The following FBN2 variants were observed in gnomAD, a reference collection of about 807,000 sequenced individuals.
FBN2 encodes the protein fibrillin 2.
In FBN2, 105 loss-of-function variants were observed where a neutral mutation model predicts 355.6. That is an observed-to-expected ratio of 0.30 (90% CI 0.25 to 0.35). FBN2 has a LOEUF of 0.35. FBN2 is among the 10% of genes least tolerant of loss of function. FBN2 has a pLI of 1.00. For missense variants in FBN2, 3,280 were observed against 3,758.7 expected, an observed-to-expected ratio of 0.87 and a Z score of 3.33; for synonymous variants, 1,350 against 1,301.2, an observed-to-expected ratio of 1.04 and a Z score of -0.81.
chr5:128,478,227 G>A lies in FBN2; in HGVS notation c.629-13306C>T, dbSNP rs140453782. On this transcript the variant is annotated intron_variant, in intron 5 of 64. Coordinates refer to ENST00000262464, the MANE Select transcript of FBN2 (RefSeq NM_001999.4). ...TGCTGTTGGACTTCAGACAATACTG[G>A]CCAAGTGTCTAAGAAGCCAGACACA... Among the ~76,000 whole-genome samples, 965 of 152,226 alleles carry A rather than the reference G, an allele frequency of 6.3e-3. 16 individuals are homozygous for A. The highest frequency in any genetic ancestry group is 6.6e-3 in the South Asian group (32 of 4,818).
chr5:128,272,243 A>C, intron 61 of FBN2, 125 bp from the exon 62 acceptor site: 1 of 1,073,498 alleles, frequency 9.3e-7, no homozygotes, highest in Non-Finnish European at 1.4e-6. Flanking sequence ...CATGACACAT[A>C]GAGAGGCTGT....
intron 5 of FBN2, among the ~76,000 whole-genome samples, chr5:128,506,955 C>T (rs920729053): frequency 2.0e-5 from 3 of 151,964 alleles, no homozygotes; most frequent in Non-Finnish European, 2.9e-5. Flanking sequence ...GATCTATTAT[C>T]CTTTTACCAT....
At chr5:128,413,898 C>T (rs749403010) in intron 7 of FBN2, among the ~76,000 whole-genome samples, 4 of 152,098 alleles carry the variant, frequency 2.6e-5, no homozygotes, top group Non-Finnish European at 5.9e-5. Flanking sequence ...CATATTTTTG[C>T]ATACACTGAA....
intron 39 of FBN2, among the ~76,000 whole-genome samples, chr5:128,310,762 T>A (rs567317058): frequency 2.0e-4 from 31 of 152,288 alleles, no homozygotes; most frequent in Non-Finnish European, 3.2e-4. Context: ...CTAGAACTTA[T>A]GGCTGTAATG....
intron 4 of FBN2, 67 bp downstream of exon 4, chr5:128,527,805 T>G: frequency 8.5e-7 from 1 of 1,170,696 alleles, no homozygotes; most frequent in East Asian, 2.4e-5. Context: ...TTATGAGACC[T>G]TAAATTATAA....
chr5:128,297,664 C>A (rs1366661527), intron 48 of FBN2, among the ~76,000 whole-genome samples: 1 of 152,114 alleles, frequency 6.6e-6, no homozygotes, highest in East Asian at 1.9e-4. Flanking sequence ...GCAACCCCTG[C>A]CTTTTTTTGT....
At chr5:128,536,572 G>A in intron 1 of FBN2, 88 bp from the exon 2 acceptor site, 1 of 871,664 alleles carries the variant, frequency 1.1e-6, no homozygotes, top group Non-Finnish European at 1.9e-6. Flanking sequence ...CCCCGAGCGA[G>A]TAGATTTCAG....
chr5:128,342,661 C>G (rs1751057230), intron 25 of FBN2, among the ~76,000 whole-genome samples: 1 of 151,978 alleles, frequency 6.6e-6, no homozygotes, highest in African/African-American at 2.4e-5. Context: ...GAGGAGTTAA[C>G]CCCAAATCCA....
At chr5:128,526,791 T>C (rs1756573404) in intron 4 of FBN2, among the ~76,000 whole-genome samples, 1 of 152,094 alleles carries the variant, frequency 6.6e-6, no homozygotes, top group Non-Finnish European at 1.5e-5. Context: ...TGAAAAGAAT[T>C]CTGGAGATGG....
chr5:128,376,594 CT>C, intron 14 of FBN2, 136 bp downstream of exon 14: 2 of 1,018,854 alleles, frequency 2.0e-6, no homozygotes, highest in Admixed American at 1.7e-5. Context: ...CTTTAGACAC[CT>C]GCCTTAGTGA....
intron 5 of FBN2, among the ~76,000 whole-genome samples, chr5:128,493,391 A>G (rs1391549107): frequency 6.6e-6 from 1 of 152,158 alleles, no homozygotes; most frequent in Non-Finnish European, 1.5e-5. Flanking sequence ...GAGAGAGAAA[A>G]GATAATAATA....
intron 2 of FBN2, among the ~76,000 whole-genome samples, chr5:128,531,936 T>G (rs1368460290): frequency 6.6e-6 from 1 of 152,138 alleles, no homozygotes. Context: ...TCTCTTTCAT[T>G]AAAGACTGAG....
chr5:128,336,099 A>G lies in FBN2; in HGVS notation c.3613T>C (p.Ser1205Pro). 6.2e-7 allele frequency: 1 copy of G among 1,613,348 alleles called. No individual in the cohort carries two copies. Among genetic ancestry groups the G allele is most frequent in the Non-Finnish European group, 8.5e-7 (1 of 1,179,460 alleles). ...REDCVDINEC[S>P]LSDNLCRNGK... ...TTTCTGCAGAGATTGTCACTCAGGG[A>G]GCATTCATTAATATCTATAAAAGAT... The change falls in exon 28 of 65, where the codon TCC becomes CCC. Residue 1205 changes from serine to proline, a missense_variant. Transcript: ENST00000262464.
At chr5:128,412,703 T>C (rs1288161031) in intron 7 of FBN2, among the ~76,000 whole-genome samples, 3 of 152,246 alleles carry the variant, frequency 2.0e-5, no homozygotes, top group Non-Finnish European at 4.4e-5. Flanking sequence ...GTTAGGCATA[T>C]GCTAAATCCT....
rs1170472332 is a variant in FBN2 at position 128,310,123 on chromosome 5, AATATCTATTAATTAATAAATCT to A, written c.5075-37_5075-16del. On this transcript the variant is annotated splice_polypyrimidine_tract_variant and intron_variant, in intron 39 of 64. Coordinates refer to ENST00000262464, the MANE Select transcript of FBN2 (RefSeq NM_001999.4). ...CTCATCAATATCTAGAGTAGGCAAG[AATATCTATTAATTAATAAATCT>A]ATTTTTTCAATGAATTTATATTACT... The A allele has an allele frequency of 6.3e-7, 1 of 1,595,218 alleles. No individual in the cohort carries two copies. The highest frequency in any genetic ancestry group is 8.6e-7 in the Non-Finnish European group (1 of 1,163,764).
rs1314664622 is a variant in FBN2 at position 128,537,341 on chromosome 5, C to T, written c.254+9G>A. The T allele has an allele frequency of 6.2e-7, 1 of 1,609,748 alleles. No individual in the cohort carries two copies. The highest frequency in any genetic ancestry group is 1.7e-5 in the Admixed American group (1 of 60,010). On this transcript the variant is annotated intron_variant, in intron 1 of 64. Transcript: ENST00000262464. ...GGAGCCCTAGGTGCGGAGCCGCTTG[C>T]CCACTTACCCTCGGAGCACGTCCTG...
rs1561764373 is a variant in FBN2 at position 128,311,312 on chromosome 5, G to A, written c.5062C>T (p.Arg1688Cys). 5 of 1,614,016 alleles carry A rather than the reference G, an allele frequency of 3.1e-6. No individual in the cohort carries two copies. The highest frequency in any genetic ancestry group is 1.1e-5 in the South Asian group (1 of 91,068). ...PQGYYLSEDT[R>C]ICEDIDECFA... ...AAATTCATCTCACCTTCACAGATGCGGGTATCCTCGCTGAGGTAGTAGCCT... is the reference window on the plus strand; with the variant it reads ...AAATTCATCTCACCTTCACAGATGCAGGTATCCTCGCTGAGGTAGTAGCCT... The change falls in exon 39 of 65, where the codon CGC (arginine) becomes TGC (cysteine). Residue 1688 changes from arginine (R) to cysteine (C), a missense_variant. Arg to Cys is a radical substitution (Grantham distance 180). This residue lies in a region of FBN2 where 2,284 missense variants were observed against 2,749.5 expected (regional missense o/e 0.83). Coordinates refer to ENST00000262464, the MANE Select transcript of FBN2 (RefSeq NM_001999.4).
intron 34 of FBN2, among the ~76,000 whole-genome samples, chr5:128,319,747 G>A (rs1024449389): frequency 2.0e-5 from 3 of 152,124 alleles, no homozygotes; most frequent in Non-Finnish European, 4.4e-5. Flanking sequence ...AGTCTTCCAT[G>A]AGGCTTTAAC....
intron 5 of FBN2, among the ~76,000 whole-genome samples, chr5:128,484,250 G>A (rs1419114452): frequency 6.6e-6 from 1 of 152,104 alleles, no homozygotes; most frequent in Non-Finnish European, 1.5e-5. Context: ...CACGTACTTA[G>A]AAATTAAATA....
Sources: allele counts gnomAD v4.1 joint callset (sites outside exome capture counted in the v4.1 genomes callset), GRCh38; gene constraint gnomAD v4.1.1; regional missense constraint gnomAD v4.1.1; transcripts MANE v1.5; gene names NCBI Gene and HGNC (gene_info 2026-07-23, HGNC 2026-07-21).